Variants in FHIT observed in about 807,000 individuals in gnomAD.
FHIT encodes the protein bis(5'-adenosyl)-triphosphatase.
FHIT carries 19 observed loss-of-function variants against 17.9 expected under a neutral mutation model. The observed-to-expected ratio is 1.06, with a 90% confidence interval of 0.74 to 1.56. FHIT has a LOEUF of 1.56. Among genes scored for constraint, FHIT ranks in the 40% most tolerant of loss-of-function variants. FHIT has a pLI of 0.00. For synonymous variants in FHIT, 81 were observed against 69.7 expected, an observed-to-expected ratio of 1.16 and a Z score of -0.81; for missense variants, 248 against 189.2, an observed-to-expected ratio of 1.31 and a Z score of -1.82.
chr3:60,191,979 G>A (rs948258113), intron 5 of FHIT, among the ~76,000 whole-genome samples: 12 of 152,170 alleles, frequency 7.9e-5, no homozygotes, highest in African/African-American at 2.9e-4. Context: ...GGGTGTGGTG[G>A]CTCACACCTG....
rs1200506722 is a variant in FHIT at position 60,078,902 on chromosome 3, CT to C, written c.104-64751del. Among the ~76,000 whole-genome samples the C allele has an allele frequency of 5.6e-3, 810 of 145,650 alleles. 5 individuals carry two copies. The highest frequency in any genetic ancestry group is 0.017 in the African/African-American group (680 of 40,112). ...GGGATTCTTTACATTATGCTTGCAA[CT>C]TTTTTTTTTTGCAACTCTAAAATTA... On this transcript the variant is annotated intron_variant, in intron 5 of 9. Coordinates refer to ENST00000492590, the MANE Select transcript of FHIT (RefSeq NM_002012.4).
chr3:59,999,711 G>C (rs1175515412), intron 7 of FHIT, among the ~76,000 whole-genome samples: 1 of 152,078 alleles, frequency 6.6e-6, no homozygotes, highest in Non-Finnish European at 1.5e-5. Flanking sequence ...AGGTTCAAGT[G>C]ATTCTTGTGC....
chr3:60,965,671 G>A (rs1308402776), intron 3 of FHIT, among the ~76,000 whole-genome samples: 4 of 152,222 alleles, frequency 2.6e-5, no homozygotes, highest in African/African-American at 9.6e-5. Flanking sequence ...AGGACCCTGA[G>A]CTGCAGGTCT....
chr3:59,849,296 C>T (rs1054081913), intron 8 of FHIT, among the ~76,000 whole-genome samples: 3 of 152,062 alleles, frequency 2.0e-5, no homozygotes, highest in African/African-American at 4.8e-5. Context: ...TCACTTGAGC[C>T]TGGCAGGTGG....
At chr3:60,613,611 C>T (rs1553674559) in intron 4 of FHIT, among the ~76,000 whole-genome samples, 1 of 152,110 alleles carries the variant, frequency 6.6e-6, no homozygotes, top group Non-Finnish European at 1.5e-5. Flanking sequence ...TTTCAACTCC[C>T]TTTATATTCC....
At chr3:59,897,928 G>A (rs952016720) in intron 8 of FHIT, among the ~76,000 whole-genome samples, 1 of 151,904 alleles carries the variant, frequency 6.6e-6, no homozygotes, top group Admixed American at 6.6e-5. Flanking sequence ...CACCACGCCT[G>A]GCTAATTTTT....
chr3:60,436,042 T>A (rs1036293496), intron 5 of FHIT, among the ~76,000 whole-genome samples: 1 of 152,236 alleles, frequency 6.6e-6, no homozygotes, highest in East Asian at 1.9e-4. Flanking sequence ...CCACATTTTT[T>A]CTTTTTTCTT....
chr3:60,199,354 T>C (rs1702792939), intron 5 of FHIT, among the ~76,000 whole-genome samples: 1 of 152,196 alleles, frequency 6.6e-6, no homozygotes, highest in Non-Finnish European at 1.5e-5. Context: ...TTTTTAAGTT[T>C]GGTGAGACAG....
chr3:60,937,119 T>C (rs1420112765), intron 3 of FHIT, among the ~76,000 whole-genome samples: 1 of 152,128 alleles, frequency 6.6e-6, no homozygotes, highest in Non-Finnish European at 1.5e-5. Context: ...GCCCCCAAAG[T>C]GACAAAGGAA....
intron 4 of FHIT, among the ~76,000 whole-genome samples, chr3:60,706,250 G>T (rs28449422): frequency 1.3e-4 from 18 of 140,462 alleles, no homozygotes; most frequent in African/African-American, 3.4e-4. Context: ...TTGGGGGTTT[G>T]GGGGGCAAGG....
chr3:60,124,591 G>T (rs1209237191), intron 5 of FHIT, among the ~76,000 whole-genome samples: 1 of 152,108 alleles, frequency 6.6e-6, no homozygotes, highest in African/African-American at 2.4e-5. Flanking sequence ...AATATAAGTT[G>T]TTAGACTGCA....
chr3:60,324,539 C>T (rs377179321), intron 5 of FHIT, among the ~76,000 whole-genome samples: 76 of 138,382 alleles, frequency 5.5e-4, no homozygotes, highest in African/African-American at 2.1e-3. Context: ...GAGCCAAGAT[C>T]GCCAAGCCTG....
chr3:60,513,259 C>T (rs533250940), intron 5 of FHIT, among the ~76,000 whole-genome samples: 1 of 152,262 alleles, frequency 6.6e-6, no homozygotes, highest in African/African-American at 2.4e-5. Flanking sequence ...CTGAACTGTT[C>T]TTTCAACTTT....
chr3:60,476,840 G>C (rs559773756), intron 5 of FHIT, among the ~76,000 whole-genome samples: 64 of 128,920 alleles, frequency 5.0e-4, no homozygotes, highest in African/African-American at 1.9e-3. Context: ...CTGGACACCC[G>C]GGGAAGGATT....
In FHIT at chr3:60,198,982, TA is replaced by T. The variant is rs200539461; in HGVS notation, c.104-184831del. Among the ~76,000 whole-genome samples the T allele has an allele frequency of 1.6e-4, 24 of 152,302 alleles. No individual in the cohort carries two copies. In the East Asian group the frequency reaches 4.4e-3, roughly 28 times the overall value. On this transcript the variant is annotated intron_variant, in intron 5 of 9. Transcript: ENST00000492590. Reference sequence around the variant, plus strand: ...TAATGGGGAATGTAGCAGTCTAAAATATTTACTCCTTTCTGTAGTCAGGTTA... The same window carrying T: ...TAATGGGGAATGTAGCAGTCTAAAATTTTACTCCTTTCTGTAGTCAGGTTA...
chr3:59,901,848 G>C (rs997909982), intron 8 of FHIT, among the ~76,000 whole-genome samples: 1 of 152,102 alleles, frequency 6.6e-6, no homozygotes, highest in African/African-American at 2.4e-5. Flanking sequence ...AGCATTCACA[G>C]AACGATTATT....
At chr3:60,923,806 T>C (rs1236119331) in intron 3 of FHIT, among the ~76,000 whole-genome samples, 1 of 152,108 alleles carries the variant, frequency 6.6e-6, no homozygotes, top group Non-Finnish European at 1.5e-5. Flanking sequence ...TTCCCTTTCC[T>C]AGTCAAAGAA....
chr3:60,499,844 C>T (rs2034452395), intron 5 of FHIT, among the ~76,000 whole-genome samples: 1 of 152,154 alleles, frequency 6.6e-6, no homozygotes. Flanking sequence ...GAAGACTTCC[C>T]TACCACTCTG....
intron 5 of FHIT, among the ~76,000 whole-genome samples, chr3:60,373,462 G>T (rs1283479989): frequency 6.6e-6 from 1 of 152,142 alleles, no homozygotes; most frequent in Non-Finnish European, 1.5e-5. Context: ...ACTAGGCAGA[G>T]AATAAGCAGA....
Sources: gnomAD v4.1 joint callset for allele counts (sites outside exome capture counted in the v4.1 genomes callset) on GRCh38, gnomAD v4.1.1 for gene constraint, MANE v1.5 for transcripts, NCBI Gene and HGNC (gene_info 2026-07-23, HGNC 2026-07-21) for gene names.